ZNF385B: variants seen among roughly 807,000 people sequenced by gnomAD.
ZNF385B encodes zinc finger protein 385B.
A neutral mutation model predicts 39.2 loss-of-function variants in ZNF385B; 23 were observed. That is an observed-to-expected ratio of 0.59 (90% CI 0.42 to 0.83). The LOEUF is 0.83. Among genes scored for constraint, ZNF385B ranks in the 40% least tolerant of loss-of-function variants. ZNF385B has a pLI of 0.00. For synonymous variants in ZNF385B, 205 were observed against 222.6 expected, an observed-to-expected ratio of 0.92 and a Z score of 0.70; for missense variants, 552 against 598.9, an observed-to-expected ratio of 0.92 and a Z score of 0.82.
In ZNF385B at chr2:179,800,833, C is replaced by T. The variant is rs571462685; in HGVS notation, c.-154-30161G>A. On this transcript the variant is annotated intron_variant, in intron 1 of 9. Coordinates refer to ENST00000410066, the MANE Select transcript of ZNF385B (RefSeq NM_152520.6). ...AATGTTTTGCTGAAGCCTTTTAAAG[C>T]AAAGCTCAGACTTCAGACACACTTC... is the stretch of plus-strand genomic sequence containing the variant. Among the ~76,000 whole-genome samples, 149 of 152,140 alleles carry T rather than the reference C, an allele frequency of 9.8e-4. 3 individuals are homozygous for T. The South Asian group carries it at 0.01, about 11-fold the overall frequency.
chr2:179,838,068 T>C (rs1275127162), intron 1 of ZNF385B, among the ~76,000 whole-genome samples: 1 of 152,198 alleles, frequency 6.6e-6, no homozygotes, highest in Non-Finnish European at 1.5e-5. Flanking sequence ...ATCTCTGATA[T>C]TTCTTATTCA....
At chr2:179,589,341 G>C (rs2106065114) in intron 3 of ZNF385B, among the ~76,000 whole-genome samples, 1 of 152,292 alleles carries the variant, frequency 6.6e-6, no homozygotes. Context: ...GAGACTGAAT[G>C]ATCCAGCTTC....
chr2:179,849,181 C>G (rs1575596163), intron 1 of ZNF385B, among the ~76,000 whole-genome samples: 1 of 152,240 alleles, frequency 6.6e-6, no homozygotes, highest in Non-Finnish European at 1.5e-5. Flanking sequence ...AACACTGCTT[C>G]CCTTATCAGC....
At chr2:179,802,085 C>G (rs1357967513) in intron 1 of ZNF385B, among the ~76,000 whole-genome samples, 1 of 152,034 alleles carries the variant, frequency 6.6e-6, no homozygotes, top group Admixed American at 6.6e-5. Flanking sequence ...GTTTAAAAAG[C>G]CTACCCCAAA....
At chr2:179,463,125 G>A (rs2105479061) in intron 6 of ZNF385B, among the ~76,000 whole-genome samples, 1 of 152,178 alleles carries the variant, frequency 6.6e-6, no homozygotes, top group Non-Finnish European at 1.5e-5. Context: ...ACATCAATCA[G>A]TGTGTATAGT....
At chr2:179,743,175 A>G (rs10930885) in intron 3 of ZNF385B, among the ~76,000 whole-genome samples, 13,920 of 152,086 alleles carry the variant, frequency 0.092, 717 homozygotes, top group Non-Finnish European at 0.11. Context: ...TAAGTTTCTA[A>G]TTCTCAACCC....
chr2:179,860,729 G>C, intron 1 of ZNF385B: 1 of 426,252 alleles, frequency 2.3e-6, no homozygotes, highest in Non-Finnish European at 4.9e-6. Context: ...TTCCAGCCCA[G>C]GTGACGAGGC....
chr2:179,583,457 T>C lies in ZNF385B; in HGVS notation c.299-38488A>G, dbSNP rs190258861. On this transcript the variant is annotated intron_variant, in intron 3 of 9. Transcript: ENST00000410066. ...CTTGCTATATATTAAGTACTTTATA[T>C]ATTTTCATTTATGTAATCATCAAAA... 4.0e-4 allele frequency among the ~76,000 whole-genome samples: 61 copies of C among 152,326 alleles called. 1 individual carries two copies. In the South Asian group the frequency reaches 6.6e-3, roughly 17 times the overall value.
At chr2:179,674,396 T>C (rs770834832) in intron 3 of ZNF385B, among the ~76,000 whole-genome samples, 8 of 152,174 alleles carry the variant, frequency 5.3e-5, no homozygotes, top group Non-Finnish European at 1.0e-4. Context: ...ATTTAATTTG[T>C]CAAAAGTTAG....
intron 3 of ZNF385B, among the ~76,000 whole-genome samples, chr2:179,573,698 CTG>C (rs1559501335): frequency 6.6e-6 from 1 of 151,984 alleles, no homozygotes; most frequent in Non-Finnish European, 1.5e-5. Flanking sequence ...AATCAATACT[CTG>C]TAAGGGAAAA....
intron 4 of ZNF385B, among the ~76,000 whole-genome samples, chr2:179,524,551 C>CAAAAAAAAAAAAAAAAAAAAAAA (rs770219234): frequency 3.3e-5 from 2 of 60,990 alleles, no homozygotes; most frequent in African/African-American, 1.6e-4. Context: ...GACTCCGTCT[C>CAAAAAAAAAAAAAAAAAAAAAAA]AAAAAAAAAA....
At chr2:179,739,385 G>A (rs78772382) in intron 3 of ZNF385B, among the ~76,000 whole-genome samples, 18,049 of 152,136 alleles carry the variant, frequency 0.12, 1,633 homozygotes, top group East Asian at 0.48. Flanking sequence ...CCTCTAGAGG[G>A]ATATAAAGCA....
At chr2:179,669,545 G>A (rs554138205) in intron 3 of ZNF385B, among the ~76,000 whole-genome samples, 5 of 152,296 alleles carry the variant, frequency 3.3e-5, no homozygotes, top group African/African-American at 1.2e-4. Context: ...GCCAGAAGCA[G>A]CCTCTAGGTA....
chr2:179,453,555 G>A (rs72964285), intron 6 of ZNF385B, among the ~76,000 whole-genome samples: 6,095 of 152,242 alleles, frequency 0.04, 159 homozygotes, highest in Middle Eastern at 0.11. Flanking sequence ...TCATTCCCCA[G>A]TTAGACTACT....
At chr2:179,775,323 C>G (rs527775824) in intron 1 of ZNF385B, among the ~76,000 whole-genome samples, 1 of 152,080 alleles carries the variant, frequency 6.6e-6, no homozygotes, top group Admixed American at 6.5e-5. Flanking sequence ...AAATTAAGAA[C>G]CTTAAAAAAT....
At chr2:179,794,948 G>T (rs1705564890) in intron 1 of ZNF385B, among the ~76,000 whole-genome samples, 1 of 152,142 alleles carries the variant, frequency 6.6e-6, no homozygotes, top group African/African-American at 2.4e-5. Context: ...GTAATGGGAA[G>T]AGTATGTGAG....
At chr2:179,660,323 G>A (rs1246499263) in intron 3 of ZNF385B, 1 of 152,114 alleles carries the variant, frequency 6.6e-6, no homozygotes. Context: ...TGCCTCCTCA[G>A]TCTACAGAGC....
chr2:179,566,302 G>A (rs922090987), intron 3 of ZNF385B, among the ~76,000 whole-genome samples: 3 of 152,154 alleles, frequency 2.0e-5, no homozygotes, highest in Non-Finnish European at 4.4e-5. Context: ...AATAATTCCT[G>A]GGATAGTCCT....
At chr2:179,759,730 A>G (rs1251455498) in intron 3 of ZNF385B, among the ~76,000 whole-genome samples, 1 of 151,972 alleles carries the variant, frequency 6.6e-6, no homozygotes, top group Non-Finnish European at 1.5e-5. Context: ...TCTACGTTAC[A>G]TGTAGATCTG....
Sources: allele counts gnomAD v4.1 joint callset (sites outside exome capture counted in the v4.1 genomes callset), GRCh38; gene constraint gnomAD v4.1.1; transcripts MANE v1.5; gene names NCBI Gene and HGNC (gene_info 2026-07-23, HGNC 2026-07-21).